EPHA6: variants seen among roughly 807,000 people sequenced by gnomAD.
The protein encoded by EPHA6 is EPH receptor A6, also known as ephrin type-A receptor 6.
EPHA6 carries 50 observed loss-of-function variants against 112.0 expected under a neutral mutation model. That is an observed-to-expected ratio of 0.45 (90% CI 0.36 to 0.56). EPHA6 has a LOEUF of 0.56. Ranked by LOEUF, EPHA6 falls within the 20% of genes least tolerant of loss-of-function variation. The pLI, the probability that EPHA6 is intolerant of heterozygous loss-of-function variation, is 0.00. For missense variants in EPHA6, 1,280 were observed against 1,417.4 expected (o/e 0.90, Z 1.56); for synonymous variants, 529 against 490.7 (o/e 1.08, Z -1.03).
intron 3 of EPHA6, among the ~76,000 whole-genome samples, chr3:97,085,011 A>C (rs2046849050): frequency 6.6e-6 from 1 of 152,194 alleles, no homozygotes; most frequent in Admixed American, 6.6e-5. Context: ...TCAGTACTTC[A>C]AAATTATATG....
chr3:97,499,908 A>C (rs1287500455), intron 10 of EPHA6, among the ~76,000 whole-genome samples: 1 of 152,098 alleles, frequency 6.6e-6, no homozygotes, highest in Non-Finnish European at 1.5e-5. Flanking sequence ...ACTACACTAA[A>C]TGTATAAAAT....
chr3:97,560,802 A>G (rs2093178882), intron 11 of EPHA6, among the ~76,000 whole-genome samples: 3 of 152,008 alleles, frequency 2.0e-5, no homozygotes, highest in African/African-American at 7.2e-5. Flanking sequence ...CTTCACAGGT[A>G]TTGCGTTTTT....
rs953512414 is a variant in EPHA6, at chr3:97,054,463, T to C, written c.1114+66470T>C. Among the ~76,000 whole-genome samples, 45 of 152,240 alleles carry C rather than the reference T, an allele frequency of 3.0e-4. 1 individual carries two copies. The highest frequency in any genetic ancestry group is 8.4e-4 in the African/African-American group (35 of 41,562). ...TTGTGAAGAAGGGGCATTCCTCTAC[T>C]ACTCCCATTTATTTTCCTCTTTAAA... On this transcript the variant is annotated intron_variant, in intron 3 of 17. Coordinates refer to ENST00000389672, the MANE Select transcript of EPHA6 (RefSeq NM_001080448.3).
chr3:97,366,383 C>A lies in EPHA6; in HGVS notation c.1607-38767C>A, dbSNP rs921778065. Reference sequence around the variant, plus strand: ...TGGTACTGACCACAATGCCCTAAGTCAATCCAGAAGGCAACGTTTAAAATT... The same window carrying A: ...TGGTACTGACCACAATGCCCTAAGTAAATCCAGAAGGCAACGTTTAAAATT... On this transcript the variant is annotated intron_variant, in intron 5 of 17. Coordinates refer to ENST00000389672, the MANE Select transcript of EPHA6 (RefSeq NM_001080448.3). Among the ~76,000 whole-genome samples the A allele has an allele frequency of 9.0e-4, 136 of 151,386 alleles. 1 individual carries two copies. The highest frequency in any genetic ancestry group is 9.0e-4 in the Non-Finnish European group (61 of 67,998).
intron 14 of EPHA6, among the ~76,000 whole-genome samples, chr3:97,695,645 A>G (rs1284094597): frequency 1.3e-5 from 2 of 152,152 alleles, no homozygotes; most frequent in Admixed American, 6.5e-5. Flanking sequence ...GGTTCAAGAG[A>G]TTCTCCTGCC....
intron 10 of EPHA6, among the ~76,000 whole-genome samples, chr3:97,524,227 T>C (rs1421231351): frequency 6.6e-6 from 1 of 152,068 alleles, no homozygotes. Flanking sequence ...CTTTGATTCC[T>C]TTCTCTTCAT....
At chr3:97,630,249 T>C (rs1171974762) in intron 13 of EPHA6, among the ~76,000 whole-genome samples, 1 of 152,002 alleles carries the variant, frequency 6.6e-6, no homozygotes, top group Non-Finnish European at 1.5e-5. Flanking sequence ...GTTCAAAATG[T>C]ATGATGACTA....
intron 3 of EPHA6, among the ~76,000 whole-genome samples, chr3:97,158,157 T>C (rs1019746539): frequency 4.6e-5 from 7 of 152,192 alleles, no homozygotes; most frequent in African/African-American, 1.7e-4. Context: ...CTTGATGTCA[T>C]GTAACTTACA....
At chr3:97,169,656 A>T (rs1313868382) in intron 3 of EPHA6, among the ~76,000 whole-genome samples, 1 of 152,130 alleles carries the variant, frequency 6.6e-6, no homozygotes, top group Non-Finnish European at 1.5e-5. Flanking sequence ...TCATAGATAC[A>T]TATTTGCACA....
intron 3 of EPHA6, among the ~76,000 whole-genome samples, chr3:97,195,324 C>T (rs1242098748): frequency 6.6e-6 from 1 of 151,992 alleles, no homozygotes; most frequent in Non-Finnish European, 1.5e-5. Context: ...CTGATGACAA[C>T]TTAACATTTT....
intron 6 of EPHA6, among the ~76,000 whole-genome samples, chr3:97,425,218 C>G (rs1376935793): frequency 1.3e-5 from 2 of 152,188 alleles, no homozygotes; most frequent in Non-Finnish European, 2.9e-5. Flanking sequence ...AGGCAGTACC[C>G]CACTGGGGAC....
At chr3:97,575,179 T>A (rs1364624189) in intron 11 of EPHA6, among the ~76,000 whole-genome samples, 1 of 152,120 alleles carries the variant, frequency 6.6e-6, no homozygotes, top group Non-Finnish European at 1.5e-5. Flanking sequence ...TATAGACTTG[T>A]GGTACACTAT....
At position 96,877,353 on chromosome 3, in the gene EPHA6, A is replaced by G. The variant is rs770052086; in HGVS notation, c.450+10464A>G. Among the ~76,000 whole-genome samples, 44 of 152,110 alleles carry G rather than the reference A, an allele frequency of 2.9e-4. 1 individual carries two copies. The highest frequency in any genetic ancestry group is 1.3e-4 in the Non-Finnish European group (9 of 67,998). Reference sequence around the variant, plus strand: ...AGAAGTTTAAAGGTGGAATGGAAAGATATTGACCTACAAAATAAAAAGACT... The same window carrying G: ...AGAAGTTTAAAGGTGGAATGGAAAGGTATTGACCTACAAAATAAAAAGACT... On this transcript the variant is annotated intron_variant, in intron 2 of 17. Transcript: ENST00000389672.
chr3:97,513,647 G>C (rs186558653), intron 10 of EPHA6, among the ~76,000 whole-genome samples: 4 of 145,656 alleles, frequency 2.7e-5, no homozygotes, highest in Admixed American at 2.0e-4. Context: ...ATAGAGCATA[G>C]AATAGTGGTT....
intron 3 of EPHA6, among the ~76,000 whole-genome samples, chr3:96,995,778 A>T (rs2043398326): frequency 6.6e-6 from 1 of 152,120 alleles, no homozygotes; most frequent in Non-Finnish European, 1.5e-5. Flanking sequence ...ATTGCTAACA[A>T]TCATCTGAGC....
intron 5 of EPHA6, among the ~76,000 whole-genome samples, chr3:97,349,397 TC>T (rs1409685421): frequency 1.3e-5 from 2 of 152,046 alleles, no homozygotes; most frequent in Admixed American, 6.6e-5. Context: ...ATGTTTCTCT[TC>T]AGGCTAATCA....
At chr3:97,213,196 G>A (rs1194368139) in intron 3 of EPHA6, among the ~76,000 whole-genome samples, 1 of 152,082 alleles carries the variant, frequency 6.6e-6, no homozygotes, top group African/African-American at 2.4e-5. Flanking sequence ...AAGATCCCTT[G>A]GCAAGAAGGC....
At chr3:97,460,028 T>C (rs1161025179) in intron 7 of EPHA6, among the ~76,000 whole-genome samples, 2 of 152,132 alleles carry the variant, frequency 1.3e-5, no homozygotes, top group African/African-American at 4.8e-5. Context: ...CTGGGAAACT[T>C]AGTGAATTTA....
chr3:97,662,684 T>C lies in EPHA6; in HGVS notation c.2784+24602T>C, dbSNP rs142597672. Among the ~76,000 whole-genome samples, 31 of 152,320 alleles carry C rather than the reference T, an allele frequency of 2.0e-4. 1 individual carries two copies. In the East Asian group the frequency reaches 5.8e-3, roughly 28 times the overall value. ...TTTAGGGAATATTTAAAGATGCCTA[T>C]TTTTATGGCATACCCCTAGCATCTA... is the stretch of plus-strand genomic sequence containing the variant. On this transcript the variant is annotated intron_variant, in intron 14 of 17. Transcript: ENST00000389672.
Sources: allele counts gnomAD v4.1 joint callset (sites outside exome capture counted in the v4.1 genomes callset), GRCh38; gene constraint gnomAD v4.1.1; transcripts MANE v1.5; gene names NCBI Gene and HGNC (gene_info 2026-07-23, HGNC 2026-07-21).